ADGRL2: variants seen among roughly 807,000 people sequenced by gnomAD.
The protein encoded by ADGRL2 is calcium-independent alpha-latrotoxin receptor 2.
A neutral mutation model predicts 157.4 loss-of-function variants in ADGRL2; 44 were observed. The observed-to-expected ratio is 0.28, with a 90% CI of 0.22 to 0.36. The LOEUF (loss-of-function observed/expected upper bound fraction) is 0.36, where lower values mean the gene tolerates loss of function less well. Among genes scored for constraint, ADGRL2 ranks in the 10% least tolerant of loss-of-function variants. The pLI, the probability that ADGRL2 is intolerant of heterozygous loss-of-function variation, is 1.00. For synonymous variants in ADGRL2, 585 were observed against 624.7 expected, an observed-to-expected ratio of 0.94 and a Z score of 0.95; for missense variants, 1,510 against 1,768.9, an observed-to-expected ratio of 0.85 and a Z score of 2.63.
intron 13 of ADGRL2, among the ~76,000 whole-genome samples, chr1:81,967,028 C>T (rs1363906288): frequency 1.3e-5 from 2 of 151,978 alleles, no homozygotes; most frequent in Admixed American, 6.6e-5. Flanking sequence ...ACAGCTGTTA[C>T]CAAGTATTGT....
At chr1:81,905,126 T>TG (rs1162417203) in intron 2 of ADGRL2, among the ~76,000 whole-genome samples, 2 of 151,688 alleles carry the variant, frequency 1.3e-5, no homozygotes, top group East Asian at 3.9e-4. Context: ...GATGGGAGTT[T>TG]GGCTCTTTTT....
At chr1:81,873,919 G>A (rs1314993999) in intron 2 of ADGRL2, among the ~76,000 whole-genome samples, 1 of 152,066 alleles carries the variant, frequency 6.6e-6, no homozygotes, top group African/African-American at 2.4e-5. Context: ...GATGAAAAAT[G>A]TACAAAGGTC....
chr1:81,317,054 T>G (rs753308459), intron 1 of ADGRL2, among the ~76,000 whole-genome samples: 18 of 152,150 alleles, frequency 1.2e-4, no homozygotes, highest in Non-Finnish European at 2.5e-4. Context: ...ATGATTTTGC[T>G]TCCCTGGTGA....
At chr1:81,530,184 T>C (rs556071892) in intron 2 of ADGRL2, among the ~76,000 whole-genome samples, 1 of 152,210 alleles carries the variant, frequency 6.6e-6, no homozygotes, top group South Asian at 2.1e-4. Flanking sequence ...TGAGGATGAA[T>C]GTACCCTCTT....
intron 1 of ADGRL2, among the ~76,000 whole-genome samples, chr1:81,369,652 T>C (rs1300850024): frequency 1.3e-5 from 2 of 151,978 alleles, no homozygotes; most frequent in East Asian, 3.9e-4. Context: ...TATACTTTTT[T>C]CATGTGCAAA....
intron 3 of ADGRL2, among the ~76,000 whole-genome samples, chr1:81,592,927 G>T (rs1377168847): frequency 6.6e-6 from 1 of 152,154 alleles, no homozygotes; most frequent in Non-Finnish European, 1.5e-5. Flanking sequence ...AAGGGAAGTA[G>T]CTGGGTATGG....
intron 3 of ADGRL2, among the ~76,000 whole-genome samples, chr1:81,603,613 T>A (rs78315990): frequency 0.016 from 2,380 of 152,310 alleles, 79 homozygotes; most frequent in African/African-American, 0.053. Context: ...TCAACTCCCA[T>A]CATTCTGCAT....
In ADGRL2 at chr1:81,322,610, G is replaced by C. The variant is rs563882838; in HGVS notation, c.-302+16101G>C. Among the ~76,000 whole-genome samples, 5 of 152,182 alleles carry C rather than the reference G, an allele frequency of 3.3e-5. No individual in the cohort carries two copies. In the South Asian group the frequency reaches 1.0e-3, roughly 32 times the overall value. On this transcript the variant is annotated intron_variant, in intron 1 of 24. Transcript: ENST00000370721. Reference sequence around the variant, plus strand: ...GACATTGTAAAAAGGACAGTGGAAAGAATGATCTCATTACATTCTCCTATT... The same window carrying C: ...GACATTGTAAAAAGGACAGTGGAAACAATGATCTCATTACATTCTCCTATT...
At chr1:81,507,425 G>C (rs1203168342) in intron 2 of ADGRL2, among the ~76,000 whole-genome samples, 1 of 152,124 alleles carries the variant, frequency 6.6e-6, no homozygotes, top group African/African-American at 2.4e-5. Flanking sequence ...GAGCCCCTAG[G>C]GTGTTGTTCA....
chr1:81,503,141 C>T, intron 2 of ADGRL2: 1 of 1,613,876 alleles, frequency 6.2e-7, no homozygotes, highest in East Asian at 2.2e-5. Context: ...GTGCAGCAGG[C>T]CTTCCAGCGC....
At chr1:81,751,222 A>C (rs1295099862) in intron 1 of ADGRL2, among the ~76,000 whole-genome samples, 1 of 152,222 alleles carries the variant, frequency 6.6e-6, no homozygotes, top group Non-Finnish European at 1.5e-5. Context: ...ATGAATATCC[A>C]TGAGTCCACT....
chr1:81,470,024 T>C (rs2078138463), intron 2 of ADGRL2, among the ~76,000 whole-genome samples: 1 of 152,212 alleles, frequency 6.6e-6, no homozygotes, highest in South Asian at 2.1e-4. Flanking sequence ...GCAACATGGA[T>C]GACCAAGAGT....
chr1:81,592,376 A>G (rs1246205012), intron 3 of ADGRL2, among the ~76,000 whole-genome samples: 2 of 152,154 alleles, frequency 1.3e-5, no homozygotes, highest in Non-Finnish European at 2.9e-5. Context: ...TACAAAAAGA[A>G]GTGAGTTGGG....
intron 2 of ADGRL2, among the ~76,000 whole-genome samples, chr1:81,488,640 C>T (rs1055605772): frequency 2.6e-5 from 4 of 151,694 alleles, no homozygotes; most frequent in East Asian, 1.9e-4. Context: ...CATGGGAGGT[C>T]GGGGCTGCAG....
intron 11 of ADGRL2, among the ~76,000 whole-genome samples, chr1:81,963,443 CAG>C (rs1052986457): frequency 5.3e-5 from 8 of 151,954 alleles, no homozygotes; most frequent in South Asian, 2.1e-4. Context: ...AAACCTGTGA[CAG>C]AGATCATTTT....
intron 2 of ADGRL2, chr1:81,503,231 C>A (rs1254494837): frequency 6.2e-7 from 1 of 1,614,096 alleles, no homozygotes; most frequent in Non-Finnish European, 8.5e-7. Context: ...GCCTCGGCTG[C>A]AGCACTGAAC....
intron 2 of ADGRL2, among the ~76,000 whole-genome samples, chr1:81,474,466 A>G (rs114510477): frequency 6.6e-6 from 1 of 152,306 alleles, no homozygotes; most frequent in Non-Finnish European, 1.5e-5. Context: ...TGGATGGGGA[A>G]AGATGCTTCC....
intron 2 of ADGRL2, among the ~76,000 whole-genome samples, chr1:81,784,477 C>T (rs1426146311): frequency 6.6e-6 from 1 of 152,084 alleles, no homozygotes; most frequent in Non-Finnish European, 1.5e-5. Context: ...CCTGTAATCC[C>T]AGCACTTTGG....
At chr1:81,431,890 T>C (rs985605607) in intron 1 of ADGRL2, among the ~76,000 whole-genome samples, 1 of 152,220 alleles carries the variant, frequency 6.6e-6, no homozygotes, top group African/African-American at 2.4e-5. Context: ...AGTTTTCTAA[T>C]TCATCACCAC....
Sources: allele counts gnomAD v4.1 joint callset (sites outside exome capture counted in the v4.1 genomes callset), GRCh38; gene constraint gnomAD v4.1.1; transcripts MANE v1.5; gene names NCBI Gene and HGNC (gene_info 2026-07-23, HGNC 2026-07-21).